The following PCSK5 variants were observed in gnomAD, a reference collection of about 807,000 sequenced individuals.
PCSK5 encodes the protein prohormone convertase 5.
PCSK5 carries 129 observed loss-of-function variants against 233.2 expected under a neutral mutation model. That is an observed-to-expected ratio of 0.55 (90% CI 0.48 to 0.64). The LOEUF is 0.64. Among genes scored for constraint, PCSK5 ranks in the 30% least tolerant of loss-of-function variants. PCSK5 has a pLI of 0.00. For missense variants in PCSK5, 2,076 were observed against 2,430.1 expected (o/e 0.85, Z 3.06); for synonymous variants, 825 against 879.2 (o/e 0.94, Z 1.09).
chr9:76,081,322 C>G (rs906277184), intron 7 of PCSK5, among the ~76,000 whole-genome samples: 2 of 151,940 alleles, frequency 1.3e-5, no homozygotes, highest in Non-Finnish European at 2.9e-5. Context: ...GGCGTGGTAG[C>G]CCACACCTGT....
intron 7 of PCSK5, among the ~76,000 whole-genome samples, chr9:76,075,298 T>C (rs963104097): frequency 3.3e-5 from 5 of 152,108 alleles, no homozygotes; most frequent in African/African-American, 1.2e-4. Context: ...TCATTTATTT[T>C]GTTCTTCCTA....
chr9:76,098,670 G>A (rs540471442), intron 8 of PCSK5, among the ~76,000 whole-genome samples: 2 of 152,290 alleles, frequency 1.3e-5, no homozygotes, highest in South Asian at 2.1e-4. Flanking sequence ...TGGGGTGATT[G>A]CTATGGGGAG....
chr9:76,262,949 C>T (rs1375614698), intron 24 of PCSK5, among the ~76,000 whole-genome samples: 1 of 151,686 alleles, frequency 6.6e-6, no homozygotes, highest in Non-Finnish European at 1.5e-5. Context: ...AAAACAACCC[C>T]ATCAAAAATT....
At chr9:76,064,916 G>A (rs113247362) in intron 5 of PCSK5, among the ~76,000 whole-genome samples, 107 of 152,310 alleles carry the variant, frequency 7.0e-4, no homozygotes, top group Middle Eastern at 3.4e-3. Context: ...TGAACTCCTG[G>A]GCTCAAGTAA....
At chr9:76,064,857 T>G (rs979255905) in intron 5 of PCSK5, among the ~76,000 whole-genome samples, 1 of 152,200 alleles carries the variant, frequency 6.6e-6, no homozygotes, top group Admixed American at 6.5e-5. Flanking sequence ...TGTGATCTCT[T>G]TTTTATTTTT....
chr9:76,073,446 A>G (rs1301074851), intron 7 of PCSK5, among the ~76,000 whole-genome samples: 1 of 152,164 alleles, frequency 6.6e-6, no homozygotes, highest in Non-Finnish European at 1.5e-5. Context: ...GTAATGTTTT[A>G]ACTCATTGTC....
intron 1 of PCSK5, among the ~76,000 whole-genome samples, chr9:75,901,514 A>G (rs1826033295): frequency 6.6e-6 from 1 of 151,978 alleles, no homozygotes; most frequent in South Asian, 2.1e-4. Context: ...ACAGATACCT[A>G]ATGCATGCAG....
At chr9:76,146,291 C>T (rs536380249) in intron 10 of PCSK5, among the ~76,000 whole-genome samples, 53 of 151,988 alleles carry the variant, frequency 3.5e-4, no homozygotes, top group African/African-American at 1.3e-3. Flanking sequence ...TACTCAATGT[C>T]ATTCTTCCAT....
At chr9:76,091,593 G>C (rs1207208135) in intron 7 of PCSK5, among the ~76,000 whole-genome samples, 1 of 152,042 alleles carries the variant, frequency 6.6e-6, no homozygotes, top group Non-Finnish European at 1.5e-5. Context: ...CATGAGCTCT[G>C]TGCATGCAGA....
At chr9:76,034,107 C>T (rs1171460575) in intron 5 of PCSK5, among the ~76,000 whole-genome samples, 4 of 152,072 alleles carry the variant, frequency 2.6e-5, no homozygotes, top group South Asian at 2.1e-4. Flanking sequence ...TGGCCTCCCA[C>T]GGAAAATTGC....
chr9:76,262,042 G>T (rs574396398), intron 24 of PCSK5, among the ~76,000 whole-genome samples: 3 of 152,268 alleles, frequency 2.0e-5, no homozygotes, highest in Admixed American at 6.5e-5. Flanking sequence ...CCAACACTAT[G>T]TTGAATAGGA....
chr9:76,140,928 C>T (rs1001411202), intron 10 of PCSK5, among the ~76,000 whole-genome samples: 22 of 151,984 alleles, frequency 1.4e-4, no homozygotes, highest in Admixed American at 1.4e-3. Flanking sequence ...AGAAAATAGA[C>T]GTCTCTTTTG....
intron 20 of PCSK5, chr9:76,193,421 C>G (rs1408474037): frequency 1.2e-6 from 1 of 843,762 alleles, no homozygotes; most frequent in Non-Finnish European, 1.6e-6. Flanking sequence ...AAGAAAAAAG[C>G]CAAAAAGAAA....
In PCSK5 at chr9:76,205,185, T is replaced by C. The variant is rs181124295; in HGVS notation, c.2626+15439T>C. The stretch of plus-strand genomic sequence containing the variant: ...ATATAAACCTCAGTTTGCAGCTATC[T>C]CACTACTAGGTTAGCCCTCACTGTC... On this transcript the variant is annotated intron_variant, in intron 20 of 37. Transcript: ENST00000674117. 2.3e-5 allele frequency: 12 copies of C among 519,010 alleles called. 1 individual carries two copies. The highest frequency in any genetic ancestry group is 2.1e-4 in the African/African-American group (11 of 52,088). 32.2% of individuals were successfully genotyped at this position (519,010 alleles called of 1,614,324 possible). A position where few individuals can be genotyped will look rare whatever the true frequency, so the allele number is the denominator to read the frequency against.
At chr9:76,198,523 G>T (rs1288961736) in intron 20 of PCSK5, among the ~76,000 whole-genome samples, 1 of 152,156 alleles carries the variant, frequency 6.6e-6, no homozygotes, top group African/African-American at 2.4e-5. Context: ...TGGGACTCAA[G>T]CCCACAGCTT....
intron 2 of PCSK5, among the ~76,000 whole-genome samples, chr9:75,973,980 A>G (rs1353856954): frequency 2.6e-5 from 4 of 152,232 alleles, no homozygotes; most frequent in Non-Finnish European, 5.9e-5. Flanking sequence ...AACACACAGC[A>G]TGAAAGAAGG....
At position 75,911,201 on chromosome 9, in the gene PCSK5, G is replaced by GTTTTTTT. The variant is rs71370772; in HGVS notation, c.192+19853_192+19859dup. Among the ~76,000 whole-genome samples, 43 of 48,762 alleles carry GTTTTTTT rather than the reference G, an allele frequency of 8.8e-4. 1 individual carries two copies. Among genetic ancestry groups the GTTTTTTT allele is most frequent in the Admixed American group, 1.1e-3 (3 of 2,704 alleles). The allele number at this position is 48,762 out of a possible 152,430, so 32.0% of individuals were successfully genotyped here. ...TGATACATTGCGTGTGAACATATAG[G>GTTTTTTT]TTTTTTTTTTTTTTTTTTTTTTTTT... On this transcript the variant is annotated intron_variant, in intron 1 of 37. Coordinates refer to ENST00000674117, the MANE Select transcript of PCSK5 (RefSeq NM_001372043.1).
chr9:76,156,502 T>C (rs1007835297), intron 10 of PCSK5, among the ~76,000 whole-genome samples: 1 of 152,262 alleles, frequency 6.6e-6, no homozygotes, highest in Non-Finnish European at 1.5e-5. Flanking sequence ...GCATCTCTTG[T>C]ATGTAAGTTC....
At position 76,169,772 on chromosome 9, in the gene PCSK5, G is replaced by A; in HGVS notation, c.1688G>A (p.Arg563Lys). ...ATGACCATTCATTGCTGGGGAGAAAGAGCTGCTGGTGACTGGGTCCTTGAA... is the reference window on the plus strand; with the variant it reads ...ATGACCATTCATTGCTGGGGAGAAAAAGCTGCTGGTGACTGGGTCCTTGAA... ...EFMTIHCWGE[R>K]AAGDWVLEVY... Residue 563 changes from arginine to lysine, a missense_variant, in exon 13 of 38, where the codon AGA (arginine) becomes AAA (lysine). Arg to Lys is a conservative substitution (Grantham distance 26). Around this residue, in one of 6 missense-constraint regions of PCSK5, gnomAD observed 50 missense variants for 104.7 expected, o/e 0.48. Transcript: ENST00000674117. 1 of 1,613,712 alleles carries A rather than the reference G, an allele frequency of 6.2e-7. No homozygotes were observed. The highest frequency in any genetic ancestry group is 8.5e-7 in the Non-Finnish European group (1 of 1,179,628).
Sources: gnomAD v4.1 joint callset for allele counts (sites outside exome capture counted in the v4.1 genomes callset) on GRCh38, gnomAD v4.1.1 for gene constraint, gnomAD v4.1.1 regional missense constraint, MANE v1.5 for transcripts, NCBI Gene and HGNC (gene_info 2026-07-23, HGNC 2026-07-21) for gene names.